The following AP1B1 variants were observed in gnomAD, a reference collection of about 807,000 sequenced individuals.
AP1B1 encodes adaptor related protein complex 1 subunit beta 1, also known as AP-1 complex subunit beta-1.
In AP1B1, 36 loss-of-function variants were observed where a neutral mutation model predicts 104.3. The ratio of observed to expected loss-of-function variants is 0.35; its 90% CI spans 0.26 to 0.46. AP1B1 has a LOEUF of 0.46. AP1B1 is among the 20% of genes least tolerant of loss of function. AP1B1 has a pLI of 1.00. For synonymous variants in AP1B1, 504 were observed against 517.5 expected (o/e 0.97, Z 0.35); for missense variants, 901 against 1,247.9 (o/e 0.72, Z 4.19).
rs1344278988 is a variant in AP1B1, at chr22:29,351,950, G to A, written c.939-125C>T. On this transcript the variant is annotated intron_variant, in intron 7 of 22. Transcript: ENST00000357586. ...GGAGCCTGATGTCTGTGAAGGCAGAGTCACTGCCATGGCTGCAAGCTCCTG... is the reference window on the plus strand; with the variant it reads ...GGAGCCTGATGTCTGTGAAGGCAGAATCACTGCCATGGCTGCAAGCTCCTG... The A allele has an allele frequency of 7.7e-6, 10 of 1,298,998 alleles. No homozygotes were observed. The South Asian group carries it at 9.8e-5, about 13-fold the overall frequency. The allele number at this position is 1,298,998 out of a possible 1,614,324, so 80.5% of individuals were successfully genotyped here.
intron 8 of AP1B1, chr22:29,351,494 G>T: frequency 1.2e-6 from 1 of 834,128 alleles, no homozygotes; most frequent in Non-Finnish European, 1.9e-6. Context: ...ACGTTGTAAG[G>T]GATGACAGGT....
At chr22:29,380,053 G>C (rs1164353170) in intron 1 of AP1B1, among the ~76,000 whole-genome samples, 1 of 152,194 alleles carries the variant, frequency 6.6e-6, no homozygotes, top group Non-Finnish European at 1.5e-5. Context: ...ATGAGATTCA[G>C]AAATGGTTCT....
chr22:29,382,847 G>A (rs1383143673), intron 1 of AP1B1, among the ~76,000 whole-genome samples: 1 of 152,188 alleles, frequency 6.6e-6, no homozygotes, highest in African/African-American at 2.4e-5. Context: ...AATGCAGGGG[G>A]CCTTATGATC....
intron 15 of AP1B1, 122 bp from the exon 16 acceptor site, chr22:29,339,255 A>G (rs1216637077): frequency 4.5e-6 from 5 of 1,117,898 alleles, no homozygotes; most frequent in Non-Finnish European, 6.5e-6. Flanking sequence ...GACAGCCTCC[A>G]TATCAACTCT....
chr22:29,375,349 CAAAAAAAAAAAA>C (rs547697174), intron 1 of AP1B1, among the ~76,000 whole-genome samples: 6 of 57,358 alleles, frequency 1.0e-4, no homozygotes, highest in Admixed American at 5.3e-4. Context: ...GATTCCATCA[CAAAAAAAAAAAA>C]AAAAAAAAAA....
intron 5 of AP1B1, among the ~76,000 whole-genome samples, chr22:29,357,880 G>A (rs1040011969): frequency 6.6e-6 from 1 of 151,370 alleles, no homozygotes; most frequent in African/African-American, 2.4e-5. Context: ...TAGAGATGGG[G>A]TTTCACCATG....
intron 16 of AP1B1, among the ~76,000 whole-genome samples, chr22:29,338,315 G>A (rs1166596733): frequency 6.6e-6 from 1 of 152,212 alleles, no homozygotes; most frequent in Non-Finnish European, 1.5e-5. Context: ...GACCACTTCA[G>A]AAACAAATGG....
intron 7 of AP1B1, among the ~76,000 whole-genome samples, chr22:29,352,640 G>A (rs2061894353): frequency 1.3e-5 from 2 of 152,176 alleles, no homozygotes; most frequent in Non-Finnish European, 2.9e-5. Flanking sequence ...GCTATATGCT[G>A]AGTCCTGGCT....
intron 3 of AP1B1, among the ~76,000 whole-genome samples, chr22:29,362,272 CCACA>C (rs2062061201): frequency 6.6e-6 from 1 of 152,154 alleles, no homozygotes; most frequent in African/African-American, 2.4e-5. Flanking sequence ...TTTACTTGCA[CCACA>C]CAGTGTTTGT....
chr22:29,359,751 C>T (rs377622089), intron 4 of AP1B1, 73 bp downstream of exon 4: 43 of 1,541,902 alleles, frequency 2.8e-5, no homozygotes, highest in East Asian at 2.5e-4. Context: ...CACAGGGCCC[C>T]GCCCCAAAGA....
At chr22:29,353,452 A>G (rs1488660402) in intron 7 of AP1B1, among the ~76,000 whole-genome samples, 1 of 152,172 alleles carries the variant, frequency 6.6e-6, no homozygotes, top group Non-Finnish European at 1.5e-5. Flanking sequence ...TTACTATGTT[A>G]AATATAGCAC....
At chr22:29,334,646 G>C (rs567162803) in intron 16 of AP1B1, among the ~76,000 whole-genome samples, 2 of 152,242 alleles carry the variant, frequency 1.3e-5, no homozygotes, top group Non-Finnish European at 2.9e-5. Context: ...AGGGTGGGGA[G>C]GCACTTCAGC....
At chr22:29,376,263 C>T (rs774255807) in intron 1 of AP1B1, among the ~76,000 whole-genome samples, 2 of 152,122 alleles carry the variant, frequency 1.3e-5, no homozygotes, top group African/African-American at 2.4e-5. Flanking sequence ...TTCTAGTCTC[C>T]GGGCAATGAT....
In AP1B1 at chr22:29,359,106, C is replaced by T. The variant is rs983042958; in HGVS notation, c.280-135G>A. 1.8e-5 allele frequency: 15 copies of T among 832,614 alleles called. No individual in the cohort carries two copies. In the South Asian group the frequency reaches 2.3e-4, roughly 13 times the overall value. 51.6% of individuals were successfully genotyped at this position (832,614 alleles called of 1,614,324 possible). On this transcript the variant is annotated intron_variant, in intron 4 of 22. Transcript: ENST00000357586. ...GGCTGCTGTGGATCTTCACCAACTA[C>T]AGCCAACAACAGCAAAAGTAAATGC... is the stretch of plus-strand genomic sequence containing the variant.
chr22:29,377,832 G>A (rs997083904), intron 1 of AP1B1, among the ~76,000 whole-genome samples: 1 of 151,304 alleles, frequency 6.6e-6, no homozygotes, highest in African/African-American at 2.4e-5. Flanking sequence ...AAAAAAGTTA[G>A]TCTTCACGAT....
At chr22:29,357,418 T>C (rs916632060) in intron 5 of AP1B1, among the ~76,000 whole-genome samples, 8 of 152,068 alleles carry the variant, frequency 5.3e-5, no homozygotes, top group South Asian at 2.1e-4. Flanking sequence ...CAGTCTGGAG[T>C]GTAGTGGTGC....
intron 22 of AP1B1, chr22:29,329,370 G>C: frequency 8.1e-7 from 1 of 1,231,360 alleles, no homozygotes; most frequent in Non-Finnish European, 1.0e-6. Context: ...CCTCCGCTCT[G>C]GGGCCTGAGC....
intron 4 of AP1B1, chr22:29,359,528 G>A (rs1053371133): frequency 6.1e-6 from 2 of 330,038 alleles, no homozygotes; most frequent in African/African-American, 4.2e-5. Flanking sequence ...AAGCTCTCGG[G>A]CACCTGCTGA....
At chr22:29,380,414 CG>C (rs35047068) in intron 1 of AP1B1, among the ~76,000 whole-genome samples, 92,391 of 151,708 alleles carry the variant, frequency 0.61, 29,098 homozygotes, top group African/African-American at 0.77. Context: ...CCAGAACCCC[CG>C]GGCACACATG....
Sources: allele counts gnomAD v4.1 joint callset (sites outside exome capture counted in the v4.1 genomes callset), GRCh38; gene constraint gnomAD v4.1.1; transcripts MANE v1.5; gene names NCBI Gene and HGNC (gene_info 2026-07-23, HGNC 2026-07-21).